Variants in SPATA9 observed in about 807,000 individuals in gnomAD.
SPATA9 encodes spermatogenesis-associated protein 9.
A neutral mutation model predicts 25.5 loss-of-function variants in SPATA9; 27 were observed. That is an observed-to-expected ratio of 1.06 (90% CI 0.78 to 1.46). The LOEUF (loss-of-function observed/expected upper bound fraction) is 1.46, where lower values mean the gene tolerates loss of function less well. Among genes scored for constraint, SPATA9 ranks in the 40% most tolerant of loss-of-function variants. SPATA9 has a pLI of 0.00. For synonymous variants in SPATA9, 102 were observed against 105.7 expected (o/e 0.97, Z 0.21); for missense variants, 282 against 297.5 (o/e 0.95, Z 0.38).
Position 95,658,893 on chromosome 5 carries a change from C to A in SPATA9, c.495G>T (p.Val165=), listed in dbSNP as rs1264394258. ...LIYLAVCVNA[V]LKKVKNIFQE... ...GGAAGATGTTCTTTACCTTCTTCAG[C>A]ACAGCATTAACACAGACTGCCTATA... The change falls in exon 5 of 5, where the codon GTG becomes GTT. Residue 165 remains valine, a synonymous_variant. Coordinates refer to ENST00000274432, the MANE Select transcript of SPATA9 (RefSeq NM_031952.4). The A allele has an allele frequency of 2.5e-6, 4 of 1,613,120 alleles. No homozygotes were observed. In the African/African-American group the frequency reaches 5.3e-5, roughly 22 times the overall value.
At chr5:95,664,915 TATAAC>T (rs1189622477) in intron 3 of SPATA9, among the ~76,000 whole-genome samples, 4 of 152,314 alleles carry the variant, frequency 2.6e-5, no homozygotes, top group Admixed American at 1.3e-4. Flanking sequence ...ATTAAAGAGT[TATAAC>T]ATTGAAAAAA....
chr5:95,668,637 G>A (rs1752053367), intron 3 of SPATA9, among the ~76,000 whole-genome samples: 1 of 152,050 alleles, frequency 6.6e-6, no homozygotes, highest in African/African-American at 2.4e-5. Flanking sequence ...AAATGTCTTG[G>A]TATCAATGTT....
upstream of SPATA9, among the ~76,000 whole-genome samples, chr5:95,702,813 T>C (rs1385595988): frequency 2.0e-5 from 3 of 152,138 alleles, no homozygotes; most frequent in Non-Finnish European, 4.4e-5. Context: ...CCCATGAGTT[T>C]GAAGCTGCAC....
chr5:95,688,828 T>C (rs1053447320), intron 1 of SPATA9, among the ~76,000 whole-genome samples: 21 of 151,994 alleles, frequency 1.4e-4, no homozygotes, highest in Admixed American at 2.6e-4. Flanking sequence ...TCACAACATA[T>C]CCATATAACA....
At chr5:95,693,790 T>C (rs1319356764) in intron 1 of SPATA9, among the ~76,000 whole-genome samples, 1 of 152,232 alleles carries the variant, frequency 6.6e-6, no homozygotes, top group African/African-American at 2.4e-5. Context: ...CAATCTGTAG[T>C]CATCACTGTC....
chr5:95,722,436 A>G, the SPATA9 span, among the ~76,000 whole-genome samples: 2 of 152,216 alleles, frequency 1.3e-5, no homozygotes, highest in African/African-American at 2.4e-5. Flanking sequence ...ATGGTGCTTG[A>G]TAATAATACT....
chr5:95,664,881 C>T (rs1388430512), intron 3 of SPATA9, among the ~76,000 whole-genome samples: 4 of 152,068 alleles, frequency 2.6e-5, no homozygotes, highest in Non-Finnish European at 4.4e-5. Flanking sequence ...AAAACATGCA[C>T]ATAATGTTCA....
At chr5:95,654,208 A>G, downstream of SPATA9, 1 of 1,613,194 alleles carries the variant, frequency 6.2e-7, no homozygotes. Flanking sequence ...ACAAGGGAGA[A>G]TATCATGCTA....
At chr5:95,706,249 G>C in the SPATA9 span, among the ~76,000 whole-genome samples, 1 of 151,834 alleles carries the variant, frequency 6.6e-6, no homozygotes, top group East Asian at 1.9e-4. Context: ...ATCTCATGTC[G>C]AATTGTAATT....
At chr5:95,697,874 GAAATGACATTCCATGA>G (rs532641888) in intron 1 of SPATA9, among the ~76,000 whole-genome samples, 1,939 of 150,928 alleles carry the variant, frequency 0.013, 19 homozygotes, top group Non-Finnish European at 0.02. Context: ...GACATTCCAT[GAAATGACATTCCATGA>G]AAATGACATT....
intron 3 of SPATA9, among the ~76,000 whole-genome samples, chr5:95,665,417 A>G (rs1179103703): frequency 6.6e-6 from 1 of 151,996 alleles, no homozygotes; most frequent in Non-Finnish European, 1.5e-5. Context: ...CTCTGCTTCT[A>G]TGTACCAACT....
chr5:95,664,052 CA>C lies in SPATA9; in HGVS notation c.379-5del. On this transcript the variant is annotated splice_region_variant and splice_polypyrimidine_tract_variant and intron_variant, in intron 3 of 4. Coordinates refer to ENST00000274432, the MANE Select transcript of SPATA9 (RefSeq NM_031952.4). ...CAAACAAAGAACCCTTTCTGACCTG[CA>C]AAAACAGAAAAGATTTTCTTAATAA... The C allele has an allele frequency of 2.0e-6, 3 of 1,524,152 alleles. No individual in the cohort carries two copies. The highest frequency in any genetic ancestry group is 2.3e-5 in the East Asian group (1 of 43,056). 94.4% of individuals were successfully genotyped at this position (1,524,152 alleles called of 1,614,324 possible).
Position 95,682,931 on chromosome 5 carries a change from T to C in SPATA9, c.-77A>G, listed in dbSNP as rs926813938. 18 of 1,418,582 alleles carry C rather than the reference T, an allele frequency of 1.3e-5. No individual in the cohort carries two copies. The highest frequency in any genetic ancestry group is 1.5e-5 in the Non-Finnish European group (16 of 1,084,304). The allele number at this position is 1,418,582 out of a possible 1,614,324, so 87.9% of individuals were successfully genotyped here. Reference sequence around the variant, plus strand: ...AATGCTTGTCCTAGTCTGCCATTAGTGAAAGATGAGGGTAGCCTTCCACTT... The same window carrying C: ...AATGCTTGTCCTAGTCTGCCATTAGCGAAAGATGAGGGTAGCCTTCCACTT... On this transcript the variant is annotated 5_prime_UTR_variant, in exon 1 of 5. Transcript: ENST00000274432.
chr5:95,687,107 T>C (rs73780145), upstream of SPATA9, among the ~76,000 whole-genome samples: 98 of 152,268 alleles, frequency 6.4e-4, no homozygotes, highest in African/African-American at 2.2e-3. Flanking sequence ...AAGGTATTCA[T>C]AGAAATAATT....
At chr5:95,688,732 AG>A (rs1228494677) in intron 1 of SPATA9, among the ~76,000 whole-genome samples, 1 of 152,172 alleles carries the variant, frequency 6.6e-6, no homozygotes, top group Non-Finnish European at 1.5e-5. Flanking sequence ...AGAAGGTAGA[AG>A]GGGGTGAGGG....
At chr5:95,718,478 T>G in the SPATA9 span, among the ~76,000 whole-genome samples, 1 of 152,218 alleles carries the variant, frequency 6.6e-6, no homozygotes, top group Non-Finnish European at 1.5e-5. Flanking sequence ...GTTCCCCAGC[T>G]GATGCCTCCG....
chr5:95,706,306 G>A, the SPATA9 span, among the ~76,000 whole-genome samples: 2,322 of 151,706 alleles, frequency 0.015, 41 homozygotes, highest in African/African-American at 0.054. Context: ...GGATCATGGC[G>A]GTGGATTTCC....
intron 2 of SPATA9, among the ~76,000 whole-genome samples, chr5:95,679,959 G>A (rs757248401): frequency 2.0e-5 from 3 of 152,326 alleles, no homozygotes; most frequent in East Asian, 3.9e-4. Context: ...GTGCAGTGGC[G>A]CGATCTCGGC....
At position 95,658,614 on chromosome 5, in the gene SPATA9, T is replaced by C. The variant is rs1750943738; in HGVS notation, c.*9A>G. ...ATAACTCTTAAGTTCTGTTCAGTGA[T>C]ACCTGTATTCAGATTTGCTCATTCA... On this transcript the variant is annotated 3_prime_UTR_variant, in exon 5 of 5. Transcript: ENST00000274432. 6.2e-7 allele frequency: 1 copy of C among 1,608,760 alleles called. No homozygotes were observed. The highest frequency in any genetic ancestry group is 1.1e-5 in the South Asian group (1 of 90,336).
Sources: gnomAD v4.1 joint callset for allele counts (sites outside exome capture counted in the v4.1 genomes callset) on GRCh38, gnomAD v4.1.1 for gene constraint, MANE v1.5 for transcripts, NCBI Gene and HGNC (gene_info 2026-07-23, HGNC 2026-07-21) for gene names.